The following WDR25 variants were observed in gnomAD, a reference collection of about 807,000 sequenced individuals.
The protein encoded by WDR25 is WD repeat-containing protein 25.
A neutral mutation model predicts 47.7 loss-of-function variants in WDR25; 35 were observed. The observed-to-expected ratio is 0.73, with a 90% confidence interval of 0.56 to 0.97. The LOEUF (loss-of-function observed/expected upper bound fraction) is 0.97. Among genes scored for constraint, WDR25 ranks in the 50% least tolerant of loss-of-function variants. The pLI, the probability that WDR25 is intolerant of heterozygous loss-of-function variation, is 0.00. For missense variants in WDR25, 634 were observed against 704.7 expected, an observed-to-expected ratio of 0.90 and a Z score of 1.14; for synonymous variants, 248 against 278.9, an observed-to-expected ratio of 0.89 and a Z score of 1.10.
intron 2 of WDR25, among the ~76,000 whole-genome samples, chr14:100,426,591 C>T (rs536994133): frequency 2.8e-4 from 43 of 152,324 alleles, no homozygotes; most frequent in South Asian, 1.0e-3. Context: ...GGATTAGAGC[C>T]GAGTTCTCCA....
chr14:100,477,057 CTTAG>C (rs1900042647), intron 3 of WDR25, among the ~76,000 whole-genome samples: 1 of 152,150 alleles, frequency 6.6e-6, no homozygotes, highest in African/African-American at 2.4e-5. Flanking sequence ...CTAAGAACTT[CTTAG>C]TTAGCAAGAT....
chr14:100,490,502 A>G (rs73351011), intron 4 of WDR25, among the ~76,000 whole-genome samples: 16,044 of 152,282 alleles, frequency 0.11, 2,593 homozygotes, highest in African/African-American at 0.35. Context: ...GTAAAGCAGC[A>G]GGTGGTGGCT....
chr14:100,452,010 C>G (rs1159620510), intron 2 of WDR25, among the ~76,000 whole-genome samples: 1 of 152,206 alleles, frequency 6.6e-6, no homozygotes, highest in Non-Finnish European at 1.5e-5. Context: ...TGTCCATCAT[C>G]CATCCAACTA....
At chr14:100,459,939 T>C (rs796419737) in intron 2 of WDR25, among the ~76,000 whole-genome samples, 5,105 of 84,722 alleles carry the variant, frequency 0.06, 470 homozygotes, top group African/African-American at 0.2. Flanking sequence ...TATATATATA[T>C]ACACATACAC....
intron 2 of WDR25, among the ~76,000 whole-genome samples, chr14:100,386,413 A>G (rs1897018727): frequency 6.6e-6 from 1 of 152,168 alleles, no homozygotes. Flanking sequence ...TGTAAGGGGA[A>G]TTTTTCTACC....
chr14:100,502,985 G>GTGTGTGTGTCCATCCATGCA lies in WDR25; in HGVS notation c.1101+18891_1101+18910dup, dbSNP rs965480383. ...TGTGTCTGTATGTGTGTCGGTGCATGTGTGTGTGTCCATCCATGCATGTGT... is the reference window on the plus strand; with the variant it reads ...TGTGTCTGTATGTGTGTCGGTGCATGTGTGTGTGTCCATCCATGCATGTGTGTGTCCATCCATGCATGTGT... On this transcript the variant is annotated intron_variant, in intron 4 of 6. Coordinates refer to ENST00000402312, the MANE Select transcript of WDR25 (RefSeq NM_001161476.3). This position sits in a 1 kb window ranked among gnomAD's most constrained non-coding sequence, Gnocchi z 4.5. 6.6e-5 allele frequency among the ~76,000 whole-genome samples: 10 copies of GTGTGTGTGTCCATCCATGCA among 152,088 alleles called. No individual in the cohort carries two copies. Among genetic ancestry groups the GTGTGTGTGTCCATCCATGCA allele is most frequent in the Non-Finnish European group, 8.8e-5 (6 of 67,942 alleles).
chr14:100,402,378 A>C (rs1229632338), intron 2 of WDR25, among the ~76,000 whole-genome samples: 1 of 151,982 alleles, frequency 6.6e-6, no homozygotes, highest in East Asian at 1.9e-4. Context: ...AAAAAAAAAA[A>C]CAAAACCAAA....
At chr14:100,434,156 T>G (rs936960716) in intron 2 of WDR25, among the ~76,000 whole-genome samples, 8 of 151,956 alleles carry the variant, frequency 5.3e-5, no homozygotes, top group African/African-American at 1.7e-4. Flanking sequence ...CTACTGGGGG[T>G]CACTGCTTCT....
chr14:100,503,346 G>T (rs1224907611), intron 4 of WDR25, among the ~76,000 whole-genome samples: 1 of 152,134 alleles, frequency 6.6e-6, no homozygotes, highest in African/African-American at 2.4e-5. Context: ...CCCGCATGTG[G>T]TTATTAAAGC....
chr14:100,476,994 G>C (rs1377594134), intron 3 of WDR25, among the ~76,000 whole-genome samples: 2 of 152,204 alleles, frequency 1.3e-5, no homozygotes, highest in Admixed American at 6.5e-5. Context: ...CAGGCCTGGA[G>C]CCCTGCATGA....
At chr14:100,442,178 A>G (rs1365330206) in intron 2 of WDR25, among the ~76,000 whole-genome samples, 33 of 152,156 alleles carry the variant, frequency 2.2e-4, no homozygotes, top group Admixed American at 2.0e-3. Context: ...TGCTTATCAC[A>G]CTGCTCCTGG....
intron 4 of WDR25, among the ~76,000 whole-genome samples, chr14:100,520,763 C>T (rs999172824): frequency 2.6e-5 from 4 of 152,160 alleles, no homozygotes; most frequent in African/African-American, 4.8e-5. Flanking sequence ...TTACAAGCAT[C>T]GGGCTCGTAT....
intron 3 of WDR25, among the ~76,000 whole-genome samples, chr14:100,477,867 G>C (rs575261358): frequency 6.6e-6 from 1 of 152,146 alleles, no homozygotes; most frequent in African/African-American, 2.4e-5. Flanking sequence ...CGAGGTGGGT[G>C]GATCACAAGG....
intron 4 of WDR25, among the ~76,000 whole-genome samples, chr14:100,514,788 A>G (rs1286306131): frequency 6.6e-6 from 1 of 152,032 alleles, no homozygotes; most frequent in Non-Finnish European, 1.5e-5. Context: ...TTTCCTACAT[A>G]TGTATTATTT....
chr14:100,377,562 G>C lies in WDR25; in HGVS notation c.-16+1067G>C, dbSNP rs557536021. ...CGACCTCAGGTAATCCGCCCTTCTC[G>C]GCCTCCTACAGTGCTAGGATTACAG... On this transcript the variant is annotated intron_variant, in intron 1 of 6. Coordinates refer to ENST00000402312, the MANE Select transcript of WDR25 (RefSeq NM_001161476.3). Among the ~76,000 whole-genome samples, 19 of 151,644 alleles carry C rather than the reference G, an allele frequency of 1.3e-4. No individual in the cohort carries two copies. In the East Asian group the frequency reaches 2.7e-3, roughly 22 times the overall value.
In WDR25 at chr14:100,428,092, C is replaced by T. The variant is rs144585033; in HGVS notation, c.823-39929C>T. 2.0e-5 allele frequency among the ~76,000 whole-genome samples: 3 copies of T among 152,352 alleles called. No homozygotes were observed. Among genetic ancestry groups the T allele is most frequent in the African/African-American group, 7.2e-5 (3 of 41,580 alleles). ...GGAAGCCAGGTTCCCTGCAGCAGGG[C>T]CTCATCACAGTTCCCCCTGGAGCAT... On this transcript the variant is annotated intron_variant, in intron 2 of 6. Transcript: ENST00000402312. This position sits in a 1 kb window ranked among gnomAD's most constrained non-coding sequence, Gnocchi z 4.3.
intron 5 of WDR25, among the ~76,000 whole-genome samples, chr14:100,527,470 T>C (rs911688259): frequency 2.6e-5 from 4 of 152,240 alleles, no homozygotes; most frequent in Non-Finnish European, 5.9e-5. Flanking sequence ...ATGAAATATC[T>C]ATCCTGTGTA....
At chr14:100,451,429 A>G (rs934591372) in intron 2 of WDR25, among the ~76,000 whole-genome samples, 2 of 152,088 alleles carry the variant, frequency 1.3e-5, no homozygotes, top group Admixed American at 6.5e-5. Context: ...ATGTTGCCCC[A>G]GGCTGGTCTC....
intron 2 of WDR25, among the ~76,000 whole-genome samples, chr14:100,397,807 G>A (rs1486097283): frequency 6.6e-6 from 1 of 152,244 alleles, no homozygotes; most frequent in East Asian, 1.9e-4. Context: ...GGCATTGGAT[G>A]CATAAGGCAT....
Sources: gnomAD v4.1 joint callset for allele counts (sites outside exome capture counted in the v4.1 genomes callset) on GRCh38, gnomAD v4.1.1 for gene constraint, Gnocchi (gnomAD v3.1) non-coding constraint, MANE v1.5 for transcripts, NCBI Gene and HGNC (gene_info 2026-07-23, HGNC 2026-07-21) for gene names.